Variants in TSPEAR observed in about 807,000 individuals in gnomAD.
TSPEAR encodes thrombospondin-type laminin G domain and EAR repeat-containing protein.
A neutral mutation model predicts 71.6 loss-of-function variants in TSPEAR; 69 were observed. That is an observed-to-expected ratio of 0.96 (90% CI 0.79 to 1.18). The LOEUF (loss-of-function observed/expected upper bound fraction) is 1.18, where lower values mean the gene tolerates loss of function less well. Ranked by LOEUF, TSPEAR falls within the 50% of genes most tolerant of loss-of-function variation. The pLI is 0.00. For synonymous variants in TSPEAR, 402 were observed against 387.2 expected, an observed-to-expected ratio of 1.04 and a Z score of -0.45; for missense variants, 971 against 894.9, an observed-to-expected ratio of 1.09 and a Z score of -1.09.
At chr21:44,530,729 C>G (rs587760097) in intron 4 of TSPEAR, among the ~76,000 whole-genome samples, 4 of 152,316 alleles carry the variant, frequency 2.6e-5, no homozygotes, top group African/African-American at 9.6e-5. Flanking sequence ...CCCAGCTGGC[C>G]TGAGAGCAGC....
rs1220799900 is a variant in TSPEAR, at chr21:44,593,102, A to G, written c.83-25097T>C. On this transcript the variant is annotated intron_variant, in intron 1 of 11. Transcript: ENST00000323084. The surrounding 1 kb of genome is among the most constrained non-coding windows in gnomAD (Gnocchi z 5.9). ...TGTCCACCTCGTCTTTGTGTTTTGG[A>G]GGCAGCAGGACCTGTGTGTTCCAGG... is the stretch of plus-strand genomic sequence containing the variant. Among the ~76,000 whole-genome samples, 1 of 152,094 alleles carries G rather than the reference A, an allele frequency of 6.6e-6. No homozygotes were observed. The highest frequency in any genetic ancestry group is 1.5e-5 in the Non-Finnish European group (1 of 68,006).
chr21:44,692,430 C>T (rs568042541), intron 1 of TSPEAR, among the ~76,000 whole-genome samples: 10 of 152,212 alleles, frequency 6.6e-5, no homozygotes, highest in East Asian at 1.9e-4. Flanking sequence ...TTTCTATTCA[C>T]GGGTGACATG....
intron 1 of TSPEAR, chr21:44,638,040 C>A: frequency 3.1e-6 from 5 of 1,613,480 alleles, no homozygotes; most frequent in Non-Finnish European, 4.2e-6. Context: ...CCCGTCCCCT[C>A]CTGCGGTGCC....
intron 1 of TSPEAR, among the ~76,000 whole-genome samples, chr21:44,615,162 A>G (rs1981993591): frequency 6.6e-6 from 1 of 152,260 alleles, no homozygotes; most frequent in African/African-American, 2.4e-5. Flanking sequence ...CGGCGCATGT[A>G]CGTAAGCGGC....
intron 1 of TSPEAR, among the ~76,000 whole-genome samples, chr21:44,668,423 T>C (rs1985896228): frequency 6.6e-6 from 1 of 152,206 alleles, no homozygotes; most frequent in South Asian, 2.1e-4. Context: ...ACACATCCCA[T>C]GTTCATGAAT....
At chr21:44,518,633 G>A (rs587622218) in intron 9 of TSPEAR, 16 of 470,704 alleles carry the variant, frequency 3.4e-5, no homozygotes, top group East Asian at 1.4e-4. Context: ...TCCAGGGTGC[G>A]CGACTCTGCT....
In TSPEAR at chr21:44,501,333, T is replaced by C. The variant is rs929053626; in HGVS notation, c.1857-1397A>G. ...GGCATGGGCTAGGCGCAGTGGCTCA[T>C]GCCTGTAATCCCAGCACTTTGGGAG... is the stretch of plus-strand genomic sequence containing the variant. On this transcript the variant is annotated intron_variant, in intron 11 of 11. Coordinates refer to ENST00000323084, the MANE Select transcript of TSPEAR (RefSeq NM_144991.3). Among the ~76,000 whole-genome samples, 19 of 150,750 alleles carry C rather than the reference T, an allele frequency of 1.3e-4. No individual in the cohort carries two copies. The East Asian group carries it at 2.5e-3, about 20-fold the overall frequency.
intron 1 of TSPEAR, among the ~76,000 whole-genome samples, chr21:44,597,950 T>A (rs1555927834): frequency 6.6e-6 from 1 of 152,228 alleles, no homozygotes; most frequent in African/African-American, 2.4e-5. Context: ...TTTGGATTAA[T>A]CAAGTATTTT....
intron 9 of TSPEAR, chr21:44,517,947 CTTCT>C (rs1430432988): frequency 2.3e-6 from 1 of 431,214 alleles, no homozygotes; most frequent in Non-Finnish European, 4.8e-6. Context: ...TCCTCACCCT[CTTCT>C]TTTTTTTCTA....
chr21:44,583,942 T>C (rs1276573483), intron 1 of TSPEAR, among the ~76,000 whole-genome samples: 2 of 152,242 alleles, frequency 1.3e-5, no homozygotes, highest in Non-Finnish European at 2.9e-5. Flanking sequence ...ACTGTCCCCG[T>C]GCTGCACATG....
chr21:44,619,775 T>C (rs1446043134), intron 1 of TSPEAR, among the ~76,000 whole-genome samples: 1 of 152,222 alleles, frequency 6.6e-6, no homozygotes, highest in East Asian at 1.9e-4. Context: ...TAAGAATTAG[T>C]GAACAAGAAG....
intron 1 of TSPEAR, among the ~76,000 whole-genome samples, chr21:44,667,936 A>G (rs1985874034): frequency 6.6e-6 from 1 of 152,368 alleles, no homozygotes; most frequent in South Asian, 2.1e-4. Context: ...CAAGCCATAC[A>G]TGAAAGACCC....
chr21:44,671,543 A>T (rs1986055506), intron 1 of TSPEAR, among the ~76,000 whole-genome samples: 1 of 152,216 alleles, frequency 6.6e-6, no homozygotes, highest in Non-Finnish European at 1.5e-5. Context: ...CACAGCCTCC[A>T]CTGACAACCA....
chr21:44,509,602 C>G (rs1336790509), intron 9 of TSPEAR, among the ~76,000 whole-genome samples: 1 of 152,004 alleles, frequency 6.6e-6, no homozygotes. Flanking sequence ...TGTGAGTGAG[C>G]AGCACTCTCC....
chr21:44,685,373 G>A (rs4256045), intron 1 of TSPEAR, among the ~76,000 whole-genome samples: 95,729 of 151,210 alleles, frequency 0.63, 30,481 homozygotes, highest in South Asian at 0.72. Flanking sequence ...ACTCCTGCCC[G>A]CTGCTTCCCA....
chr21:44,639,124 C>T (rs587650175), intron 1 of TSPEAR, among the ~76,000 whole-genome samples: 19 of 152,306 alleles, frequency 1.2e-4, no homozygotes, highest in Admixed American at 1.1e-3. Flanking sequence ...CATGCGGCCT[C>T]ACCTAGACAT....
chr21:44,548,445 G>A (rs1555918018), intron 2 of TSPEAR, among the ~76,000 whole-genome samples: 1 of 152,178 alleles, frequency 6.6e-6, no homozygotes, highest in Non-Finnish European at 1.5e-5. Context: ...CTTTGTTGGG[G>A]TGGGTGGGTG....
chr21:44,670,981 C>A (rs1446189958), intron 1 of TSPEAR, among the ~76,000 whole-genome samples: 1 of 152,182 alleles, frequency 6.6e-6, no homozygotes, highest in Admixed American at 6.5e-5. Context: ...CATAAATTAC[C>A]CCACACTATT....
chr21:44,658,421 A>C, intron 1 of TSPEAR: 1 of 642,506 alleles, frequency 1.6e-6, no homozygotes, highest in Non-Finnish European at 2.4e-6. Context: ...AATGATTCAG[A>C]CCTTCCATGA....
Sources: allele counts gnomAD v4.1 joint callset (sites outside exome capture counted in the v4.1 genomes callset), GRCh38; gene constraint gnomAD v4.1.1; non-coding constraint Gnocchi (gnomAD v3.1); transcripts MANE v1.5; gene names NCBI Gene and HGNC (gene_info 2026-07-23, HGNC 2026-07-21).